MYOZ2: variants seen among roughly 807,000 people sequenced by gnomAD.
The protein encoded by MYOZ2 is myozenin 2, also known as myozenin-2.
MYOZ2 carries 19 observed loss-of-function variants against 25.4 expected under a neutral mutation model. The ratio of observed to expected loss-of-function variants is 0.75; its 90% CI spans 0.52 to 1.10. MYOZ2 has a LOEUF of 1.10. MYOZ2 is among the 50% of genes least tolerant of loss of function. MYOZ2 has a pLI of 0.00. For synonymous variants in MYOZ2, 92 were observed against 106.9 expected (o/e 0.86, Z 0.86); for missense variants, 270 against 317.9 (o/e 0.85, Z 1.15).
rs2149230953 is a variant in MYOZ2 at position 119,186,585 on chromosome 4, T to C, written c.*385T>C. ...TACAGGGAGAGATATGAAGACCTAT[T>C]CAGAGTTTCATCTGGGGATGAAAGC... is the stretch of plus-strand genomic sequence containing the variant. On this transcript the variant is annotated 3_prime_UTR_variant, in exon 6 of 6. Coordinates refer to ENST00000307128, the MANE Select transcript of MYOZ2 (RefSeq NM_016599.5). 4.7e-6 allele frequency: 1 copy of C among 211,244 alleles called. No homozygotes were observed. The highest frequency in any genetic ancestry group is 9.5e-6 in the Non-Finnish European group (1 of 105,306). The allele number at this position is 211,244 out of a possible 1,614,324, so 13.1% of individuals were successfully genotyped here.
intron 5 of MYOZ2, among the ~76,000 whole-genome samples, chr4:119,164,953 AT>A (rs1443874704): frequency 1.1e-4 from 17 of 151,448 alleles, no homozygotes; most frequent in Admixed American, 1.1e-3. Context: ...ATGGGCATCC[AT>A]TTTTCTCTGT....
rs147249163 is a variant in MYOZ2 at position 119,170,639 on chromosome 4, G to A, written c.560+6245G>A. Among the ~76,000 whole-genome samples the A allele has an allele frequency of 3.3e-5, 5 of 152,256 alleles. No homozygotes were observed. The East Asian group carries it at 5.8e-4, about 18-fold the overall frequency. On this transcript the variant is annotated intron_variant, in intron 5 of 5. Coordinates refer to ENST00000307128, the MANE Select transcript of MYOZ2 (RefSeq NM_016599.5). ...AGGCAGAAAGTGTTCAAGCTGCAACGTGGAGAAAATAGGATTTAAGATGCA... is the reference window on the plus strand; with the variant it reads ...AGGCAGAAAGTGTTCAAGCTGCAACATGGAGAAAATAGGATTTAAGATGCA...
At chr4:119,165,161 G>A (rs1741794636) in intron 5 of MYOZ2, among the ~76,000 whole-genome samples, 1 of 150,376 alleles carries the variant, frequency 6.6e-6, no homozygotes, top group Non-Finnish European at 1.5e-5. Flanking sequence ...ATAAATTAAT[G>A]AGTAAATTTT....
chr4:119,187,273 A>G lies in MYOZ2; in HGVS notation c.*1073A>G, dbSNP rs1457720817. On this transcript the variant is annotated 3_prime_UTR_variant, in exon 6 of 6. Transcript: ENST00000307128. Reference sequence around the variant, plus strand: ...ATATAATTGAAGAAGCATATGACATATAACTTATAGAAATCAGTATCAATT... The same window carrying G: ...ATATAATTGAAGAAGCATATGACATGTAACTTATAGAAATCAGTATCAATT... The G allele has an allele frequency of 6.6e-6, 1 of 152,200 alleles. No individual in the cohort carries two copies. Among genetic ancestry groups the G allele is most frequent in the Non-Finnish European group, 1.5e-5 (1 of 68,002 alleles). 9.4% of individuals were successfully genotyped at this position (152,200 alleles called of 1,614,324 possible).
At chr4:119,147,743 C>CAAAAAA (rs70944840) in intron 2 of MYOZ2, among the ~76,000 whole-genome samples, 43,460 of 117,362 alleles carry the variant, frequency 0.37, 7,618 homozygotes, top group Non-Finnish European at 0.47. Flanking sequence ...GACTCTGTCT[C>CAAAAAA]AAAAAAAAAA....
At chr4:119,151,742 C>T (rs1262943622) in intron 3 of MYOZ2, among the ~76,000 whole-genome samples, 2 of 151,978 alleles carry the variant, frequency 1.3e-5, no homozygotes, top group African/African-American at 2.4e-5. Flanking sequence ...AAATGGCTGG[C>T]GTGAAGAATC....
intron 5 of MYOZ2, among the ~76,000 whole-genome samples, chr4:119,178,976 A>G (rs1742134362): frequency 6.6e-6 from 1 of 152,210 alleles, no homozygotes; most frequent in South Asian, 2.1e-4. Flanking sequence ...GATTACTGCA[A>G]AAGCTTTCAG....
chr4:119,154,659 CT>C lies in MYOZ2; in HGVS notation c.247-3360del, dbSNP rs1322214001. 5.9e-5 allele frequency among the ~76,000 whole-genome samples: 9 copies of C among 152,212 alleles called. No individual in the cohort carries two copies. The East Asian group carries it at 1.7e-3, about 29-fold the overall frequency. On this transcript the variant is annotated intron_variant, in intron 3 of 5. Coordinates refer to ENST00000307128, the MANE Select transcript of MYOZ2 (RefSeq NM_016599.5). ...TTCTAGGAACTTAGAAAACATTACT[CT>C]TTGTGCATTATACATTTAAACTTCC...
intron 2 of MYOZ2, among the ~76,000 whole-genome samples, chr4:119,137,848 T>C (rs947630199): frequency 2.0e-5 from 3 of 152,194 alleles, no homozygotes; most frequent in Non-Finnish European, 2.9e-5. Context: ...AGTAGTTTAC[T>C]TGAAATTATT....
rs182947655 is a variant in MYOZ2 at position 119,158,275 on chromosome 4, T to C, written c.376+124T>C. 1,198 of 1,363,238 alleles carry C rather than the reference T, an allele frequency of 8.8e-4. 4 individuals carry two copies. Among genetic ancestry groups the C allele is most frequent in the Non-Finnish European group, 1.1e-3 (1,049 of 991,742 alleles). The allele number at this position is 1,363,238 out of a possible 1,614,324, so 84.4% of individuals were successfully genotyped here. A position where few individuals can be genotyped will look rare whatever the true frequency, so the allele number is the denominator to read the frequency against. On this transcript the variant is annotated intron_variant, in intron 4 of 5. Coordinates refer to ENST00000307128, the MANE Select transcript of MYOZ2 (RefSeq NM_016599.5). ...ATATCTTTTCTCATTAAGTATGTTTTTGGGCCCCAGGCACGGTGGCTCCCA... is the reference window on the plus strand; with the variant it reads ...ATATCTTTTCTCATTAAGTATGTTTCTGGGCCCCAGGCACGGTGGCTCCCA...
intron 2 of MYOZ2, among the ~76,000 whole-genome samples, chr4:119,144,161 C>T (rs1435960506): frequency 6.6e-6 from 1 of 152,164 alleles, no homozygotes; most frequent in South Asian, 2.1e-4. Context: ...CTATTCTGCT[C>T]TCCATTTCTA....
chr4:119,167,631 A>C (rs1239932945), intron 5 of MYOZ2, among the ~76,000 whole-genome samples: 1 of 152,232 alleles, frequency 6.6e-6, no homozygotes, highest in Non-Finnish European at 1.5e-5. Context: ...GCTAGAGAGA[A>C]GTCAATGCTT....
rs974668391 is a variant in MYOZ2, at chr4:119,136,545, T to C, written c.20T>C (p.Met7Thr). 3 of 1,613,522 alleles carry C rather than the reference T, an allele frequency of 1.9e-6. No individual in the cohort carries two copies. Among genetic ancestry groups the C allele is most frequent in the African/African-American group, 2.7e-5 (2 of 74,904 alleles). MLSHNT[M>T]MKQRKQQATA... ...AAAACCATGCTATCACATAATACTA[T>C]GATGAAGCAGAGAAAACAGCAAGCA... Residue 7 changes from methionine to threonine, a missense_variant, in exon 2 of 6, where the codon ATG (methionine) becomes ACG (threonine). By Grantham distance (81) the Met-to-Thr change is moderately conservative (BLOSUM62 -1). Transcript: ENST00000307128.
chr4:119,169,865 A>G (rs2149226965), intron 5 of MYOZ2, among the ~76,000 whole-genome samples: 1 of 152,350 alleles, frequency 6.6e-6, no homozygotes, highest in African/African-American at 2.4e-5. Context: ...AGATTGGATA[A>G]AGGCTATCTC....
chr4:119,173,931 C>G (rs1490975879), intron 5 of MYOZ2, among the ~76,000 whole-genome samples: 1 of 152,228 alleles, frequency 6.6e-6, no homozygotes, highest in Non-Finnish European at 1.5e-5. Flanking sequence ...AGCACTCGGG[C>G]CAGCGGCGGT....
intron 5 of MYOZ2, among the ~76,000 whole-genome samples, chr4:119,166,723 C>T (rs1330105596): frequency 1.3e-5 from 2 of 152,128 alleles, no homozygotes; most frequent in Admixed American, 6.6e-5. Flanking sequence ...CTATTGGTGC[C>T]ATTTTTCCAA....
At chr4:119,140,147 T>C (rs965308713) in intron 2 of MYOZ2, among the ~76,000 whole-genome samples, 4 of 152,222 alleles carry the variant, frequency 2.6e-5, no homozygotes, top group African/African-American at 7.2e-5. Context: ...TACTGAGCTA[T>C]GTGCAGAAAC....
At chr4:119,154,660 T>C (rs888733375) in intron 3 of MYOZ2, among the ~76,000 whole-genome samples, 1 of 152,168 alleles carries the variant, frequency 6.6e-6, no homozygotes, top group African/African-American at 2.4e-5. Flanking sequence ...AACATTACTC[T>C]TTGTGCATTA....
At chr4:119,151,066 A>G (rs1277794973) in intron 3 of MYOZ2, 25 bp downstream of exon 3, 1 of 1,567,018 alleles carries the variant, frequency 6.4e-7, no homozygotes, top group Non-Finnish European at 8.8e-7. Flanking sequence ...AACAGGTAGT[A>G]TCCAAATGAA....
Sources: gnomAD v4.1 joint callset for allele counts (sites outside exome capture counted in the v4.1 genomes callset) on GRCh38, gnomAD v4.1.1 for gene constraint, MANE v1.5 for transcripts, NCBI Gene and HGNC (gene_info 2026-07-23, HGNC 2026-07-21) for gene names.